ASB2: variants seen among roughly 807,000 people sequenced by gnomAD.
ASB2 encodes ankyrin repeat and SOCS box containing 2.
A neutral mutation model predicts 62.4 loss-of-function variants in ASB2; 58 were observed. That is an observed-to-expected ratio of 0.93 (90% confidence interval 0.75 to 1.16). The LOEUF is 1.16. Ranked by LOEUF, ASB2 falls within the 50% of genes most tolerant of loss-of-function variation. The pLI is 0.00. For synonymous variants in ASB2, 386 were observed against 385.3 expected (o/e 1.00, Z -0.02); for missense variants, 928 against 887.9 (o/e 1.05, Z -0.57).
Position 93,964,374 on chromosome 14 carries a change from A to G in ASB2, c.166T>C (p.Cys56Arg), listed in dbSNP as rs561031267. ...AAATGGGCAGGTTGGCGGTTGGTAC[A>G]TGCAGACGCGGTGGCCTCAGCAGTG... ...PTTAEATASA[C>R]TNRQPAHFYP... is the part of the protein sequence containing the mutation. Residue 56 changes from cysteine to arginine, a missense_variant, in exon 2 of 10, where the codon TGT (cysteine) becomes CGT (arginine). Cys to Arg is a radical substitution (Grantham distance 180). Coordinates refer to ENST00000555019, the MANE Select transcript of ASB2 (RefSeq NM_001202429.2). 130 of 1,536,158 alleles carry G rather than the reference A, an allele frequency of 8.5e-5. No homozygotes were observed. In the South Asian group the frequency reaches 1.5e-3, roughly 17 times the overall value.
In ASB2 at chr14:93,953,003, C is replaced by T. The variant is rs544010788; in HGVS notation, c.634+349G>A. On this transcript the variant is annotated intron_variant, in intron 5 of 9. Transcript: ENST00000555019. Reference sequence around the variant, plus strand: ...AGGTGATTCCTCCTCTGTGGTTCAGCTCAGGCACCCCTCCTCTGGGTGCCC... The same window carrying T: ...AGGTGATTCCTCCTCTGTGGTTCAGTTCAGGCACCCCTCCTCTGGGTGCCC... 7.2e-5 allele frequency among the ~76,000 whole-genome samples: 11 copies of T among 152,318 alleles called. No individual in the cohort carries two copies. The East Asian group carries it at 2.1e-3, about 29-fold the overall frequency.
At chr14:93,951,323 C>G in intron 5 of ASB2, 79 bp from the exon 6 acceptor site, 2 of 1,488,094 alleles carry the variant, frequency 1.3e-6, no homozygotes, top group Middle Eastern at 2.5e-4. Context: ...ATTCGCCTGT[C>G]CATTCACTCA....
intron 5 of ASB2, among the ~76,000 whole-genome samples, chr14:93,952,238 A>T (rs1006469786): frequency 1.3e-5 from 2 of 152,262 alleles, no homozygotes; most frequent in African/African-American, 4.8e-5. Context: ...GTAAGGCATG[A>T]GCATAGTGCT....
chr14:93,954,486 G>A lies in ASB2; in HGVS notation c.312-3C>T. The A allele has an allele frequency of 1.9e-6, 3 of 1,614,070 alleles. No homozygotes were observed. Among genetic ancestry groups the A allele is most frequent in the Non-Finnish European group, 2.5e-6 (3 of 1,179,950 alleles). On this transcript the variant is annotated splice_region_variant and splice_polypyrimidine_tract_variant and intron_variant, in intron 3 of 9. Coordinates refer to ENST00000555019, the MANE Select transcript of ASB2 (RefSeq NM_001202429.2). ...CCTTTATCAAGGGGTCCGCAGGCCT[G>A]TGAGAGGAAGGAGTGGGTCAGTCCT...
chr14:93,975,973 C>T (rs1425376210), intron 1 of ASB2, among the ~76,000 whole-genome samples: 1 of 152,220 alleles, frequency 6.6e-6, no homozygotes, highest in South Asian at 2.1e-4. Context: ...ACCTTGGCTG[C>T]TATGGTCTCC....
Position 93,962,514 on chromosome 14 carries a change from C to T in ASB2, c.206+1820G>A, listed in dbSNP as rs535012995. ...CTCCTCTGCTATATTGCTTGTGGGG[C>T]TGGACCTCAGATGAGGGCTGCTCGA... On this transcript the variant is annotated intron_variant, in intron 2 of 9. Transcript: ENST00000555019. 1.3e-3 allele frequency among the ~76,000 whole-genome samples: 196 copies of T among 152,262 alleles called. 1 individual carries two copies. The highest frequency in any genetic ancestry group is 2.2e-3 in the Non-Finnish European group (147 of 68,028).
rs545090655 is a variant in ASB2 at position 93,963,666 on chromosome 14, A to G, written c.206+668T>C. Among the ~76,000 whole-genome samples the G allele has an allele frequency of 2.0e-5, 3 of 152,340 alleles. No individual in the cohort carries two copies. The South Asian group carries it at 6.2e-4, about 32-fold the overall frequency. On this transcript the variant is annotated intron_variant, in intron 2 of 9. Transcript: ENST00000555019. ...TGATGGGCAAAAAGAAATGGTAACAATCTGATTCATAATTTTATATTGATG... is the reference window on the plus strand; with the variant it reads ...TGATGGGCAAAAAGAAATGGTAACAGTCTGATTCATAATTTTATATTGATG...
chr14:93,941,798 A>C, intron 7 of ASB2: 1 of 419,194 alleles, frequency 2.4e-6, no homozygotes, highest in Admixed American at 2.7e-5. Flanking sequence ...AGTGGCAGAA[A>C]TGTGGGAACT....
At chr14:93,967,568 C>T (rs1288069298) in intron 1 of ASB2, among the ~76,000 whole-genome samples, 1 of 152,238 alleles carries the variant, frequency 6.6e-6, no homozygotes, top group South Asian at 2.1e-4. Flanking sequence ...GGCCAAAGTG[C>T]TTTGTGACCT....
chr14:93,937,681 C>A lies in ASB2; in HGVS notation c.1771+17G>T. On this transcript the variant is annotated intron_variant, in intron 9 of 9. Coordinates refer to ENST00000555019, the MANE Select transcript of ASB2 (RefSeq NM_001202429.2). ...CAGGGAGATCTGCCAGCCTTGGCAG[C>A]AGCAGCAAGTCCCTACCTGCCTTCT... 6.3e-7 allele frequency: 1 copy of A among 1,593,280 alleles called. No homozygotes were observed.
intron 2 of ASB2, among the ~76,000 whole-genome samples, chr14:93,963,486 C>T (rs543455746): frequency 6.6e-6 from 1 of 152,334 alleles, no homozygotes; most frequent in Admixed American, 6.5e-5. Context: ...TTAATCACCT[C>T]TCTAGCTCCC....
intron 1 of ASB2, among the ~76,000 whole-genome samples, chr14:93,971,507 G>T (rs141932887): frequency 5.6e-4 from 85 of 152,346 alleles, no homozygotes; most frequent in Admixed American, 9.1e-4. Context: ...GCTGAACACA[G>T]AGCAAGTGCT....
At chr14:93,944,628 A>C (rs1888654462) in intron 7 of ASB2, among the ~76,000 whole-genome samples, 1 of 152,244 alleles carries the variant, frequency 6.6e-6, no homozygotes, top group South Asian at 2.1e-4. Flanking sequence ...GCCTGGTGGC[A>C]GAAGCTGCTG....
intron 6 of ASB2, among the ~76,000 whole-genome samples, chr14:93,948,641 G>T (rs1268569327): frequency 2.0e-5 from 3 of 151,268 alleles, no homozygotes; most frequent in Non-Finnish European, 4.4e-5. Context: ...CTCCTCCCAA[G>T]AAAATACTAG....
intron 1 of ASB2, among the ~76,000 whole-genome samples, chr14:93,975,988 A>G (rs144825378): frequency 2.1e-4 from 32 of 152,328 alleles, no homozygotes; most frequent in Middle Eastern, 6.8e-3. Flanking sequence ...GTCTCCCACA[A>G]TACCGTGCAT....
rs181499108 is a variant in ASB2, at chr14:93,940,780, C to A, written c.1053-1108G>T. 1.4e-4 allele frequency among the ~76,000 whole-genome samples: 21 copies of A among 152,334 alleles called. No homozygotes were observed. In the East Asian group the frequency reaches 4.1e-3, roughly 29 times the overall value. ...TTTACCTCTATTCATCTGTGAAATC[C>A]TCCCAGTAGCCCTCTGAAGTGAGTA... On this transcript the variant is annotated intron_variant, in intron 7 of 9. Coordinates refer to ENST00000555019, the MANE Select transcript of ASB2 (RefSeq NM_001202429.2).
At chr14:93,937,327 C>A (rs947284863) in intron 9 of ASB2, among the ~76,000 whole-genome samples, 1 of 152,196 alleles carries the variant, frequency 6.6e-6, no homozygotes, top group African/African-American at 2.4e-5. Flanking sequence ...ACATCCTAGA[C>A]CACCATCCTC....
In ASB2 at chr14:93,937,860, G is replaced by C; in HGVS notation, c.1618-9C>G. 6.3e-7 allele frequency: 1 copy of C among 1,588,284 alleles called. No individual in the cohort carries two copies. The highest frequency in any genetic ancestry group is 8.6e-7 in the Non-Finnish European group (1 of 1,159,548). ...GATACGAACTCACAGAACTGAAAGA[G>C]AACATGCCGGGACCAAGAAGTGAGT... On this transcript the variant is annotated splice_polypyrimidine_tract_variant and intron_variant, in intron 8 of 9. Transcript: ENST00000555019.
intron 9 of ASB2, among the ~76,000 whole-genome samples, chr14:93,935,362 A>G (rs1042556472): frequency 1.3e-5 from 2 of 152,236 alleles, no homozygotes; most frequent in African/African-American, 4.8e-5. Flanking sequence ...GGGTAGAGGT[A>G]AGAGCAGGGA....
Sources: allele counts gnomAD v4.1 joint callset (sites outside exome capture counted in the v4.1 genomes callset), GRCh38; gene constraint gnomAD v4.1.1; transcripts MANE v1.5; gene names NCBI Gene and HGNC (gene_info 2026-07-23, HGNC 2026-07-21).